MBNL2: variants seen among roughly 807,000 people sequenced by gnomAD.
The protein encoded by MBNL2 is muscleblind like splicing regulator 2.
A neutral mutation model predicts 41.9 loss-of-function variants in MBNL2; 17 were observed. The observed-to-expected ratio is 0.41, with a 90% CI of 0.28 to 0.61. MBNL2 has a LOEUF of 0.61. Among genes scored for constraint, MBNL2 ranks in the 20% least tolerant of loss-of-function variants. The pLI, the probability that MBNL2 is intolerant of heterozygous loss-of-function variation, is 0.35. For missense variants in MBNL2, 336 were observed against 505.6 expected (o/e 0.66, Z 3.22); for synonymous variants, 195 against 182.9 (o/e 1.07, Z -0.53).
chr13:97,185,039 T>A, the MBNL2 span, among the ~76,000 whole-genome samples: 5 of 152,256 alleles, frequency 3.3e-5, no homozygotes, highest in African/African-American at 1.2e-4. Context: ...ATTGCACATA[T>A]GTTATCTCAA....
intron 1 of MBNL2, 81 bp downstream of exon 1, chr13:97,222,612 G>GCACTGGATT: frequency 2.5e-6 from 1 of 395,528 alleles, no homozygotes; most frequent in Non-Finnish European, 4.5e-6. Flanking sequence ...GCTTACGGGA[G>GCACTGGATT]CCAGGGAAAC....
the MBNL2 span, among the ~76,000 whole-genome samples, chr13:97,184,940 G>T: frequency 2.6e-5 from 4 of 152,076 alleles, no homozygotes; most frequent in Admixed American, 6.5e-5. Context: ...TTGAGAATTA[G>T]AGAAAAGGAC....
chr13:97,370,355 A>G (rs745967062), intron 8 of MBNL2, among the ~76,000 whole-genome samples: 1 of 152,196 alleles, frequency 6.6e-6, no homozygotes, highest in Non-Finnish European at 1.5e-5. Flanking sequence ...AGTTATGTAA[A>G]GTAGCCAGGT....
the MBNL2 span, among the ~76,000 whole-genome samples, chr13:97,200,780 C>T: frequency 6.6e-6 from 1 of 152,202 alleles, no homozygotes; most frequent in African/African-American, 2.4e-5. Flanking sequence ...ATTGCATTGT[C>T]GTGGGCTAAG....
At chr13:97,325,325 T>A (rs2059820951) in intron 2 of MBNL2, among the ~76,000 whole-genome samples, 1 of 152,190 alleles carries the variant, frequency 6.6e-6, no homozygotes, top group South Asian at 2.1e-4. Context: ...TTAACAATCC[T>A]TATCGGTAAG....
the MBNL2 span, among the ~76,000 whole-genome samples, chr13:97,152,679 C>T: frequency 5.9e-5 from 9 of 152,124 alleles, no homozygotes; most frequent in Non-Finnish European, 1.2e-4. Flanking sequence ...CTATACCTAG[C>T]CATATCATCA....
intron 7 of MBNL2, 131 bp from the exon 8 acceptor site, chr13:97,365,004 CT>C (rs1187278715): frequency 1.7e-5 from 13 of 767,120 alleles, no homozygotes; most frequent in Admixed American, 5.2e-5. Context: ...GTGAATGGCC[CT>C]AAAAGACTGT....
chr13:97,292,888 C>T (rs1229636730), intron 2 of MBNL2, among the ~76,000 whole-genome samples: 1 of 151,948 alleles, frequency 6.6e-6, no homozygotes, highest in Non-Finnish European at 1.5e-5. Context: ...CTCTATCAGT[C>T]TTCTCCCTAA....
chr13:97,256,506 C>A (rs992439449), intron 1 of MBNL2, among the ~76,000 whole-genome samples: 1 of 152,096 alleles, frequency 6.6e-6, no homozygotes, highest in East Asian at 1.9e-4. Context: ...ATGAGTCATT[C>A]GTACTGGAAA....
intron 5 of MBNL2, among the ~76,000 whole-genome samples, chr13:97,350,540 C>G (rs552625667): frequency 6.6e-6 from 1 of 152,326 alleles, no homozygotes; most frequent in South Asian, 2.1e-4. Context: ...AGACAGTCCT[C>G]TAAAACCCTG....
At chr13:97,256,096 GGA>G (rs977098211) in intron 1 of MBNL2, among the ~76,000 whole-genome samples, 2 of 151,996 alleles carry the variant, frequency 1.3e-5, no homozygotes, top group Non-Finnish European at 2.9e-5. Flanking sequence ...ATATTTAAAA[GGA>G]GATAAAAGAA....
chr13:97,322,578 A>C (rs2059595420), intron 2 of MBNL2, among the ~76,000 whole-genome samples: 1 of 152,210 alleles, frequency 6.6e-6, no homozygotes, highest in African/African-American at 2.4e-5. Flanking sequence ...TAAGGCAAGA[A>C]GCATCTGAAA....
chr13:97,376,895 C>A (rs1271744175), intron 8 of MBNL2, among the ~76,000 whole-genome samples: 2 of 152,162 alleles, frequency 1.3e-5, no homozygotes, highest in Non-Finnish European at 2.9e-5. Context: ...GTGGCTTACC[C>A]AATTCACACA....
the MBNL2 span, among the ~76,000 whole-genome samples, chr13:97,214,196 A>G: frequency 3.9e-5 from 6 of 152,224 alleles, no homozygotes; most frequent in Admixed American, 6.5e-5. Flanking sequence ...TGATTCTGCC[A>G]TAGCATACAC....
intron 2 of MBNL2, among the ~76,000 whole-genome samples, chr13:97,318,434 A>G (rs535833822): frequency 1.3e-5 from 2 of 152,296 alleles, no homozygotes; most frequent in Non-Finnish European, 2.9e-5. Context: ...AGGGATATTA[A>G]GAGCACCTCC....
chr13:97,188,998 A>T, the MBNL2 span, among the ~76,000 whole-genome samples: 1 of 152,120 alleles, frequency 6.6e-6, no homozygotes, highest in African/African-American at 2.4e-5. Context: ...AACAATTCAT[A>T]CATCCCTCCA....
At chr13:97,237,987 A>G (rs1389514475) in intron 1 of MBNL2, among the ~76,000 whole-genome samples, 2 of 152,168 alleles carry the variant, frequency 1.3e-5, no homozygotes, top group African/African-American at 4.8e-5. Context: ...GCCAAGGGAA[A>G]GGGAGGGAGT....
chr13:97,347,103 G>A (rs199949683), intron 5 of MBNL2, 36 bp downstream of exon 5: 6 of 1,467,288 alleles, frequency 4.1e-6, no homozygotes, highest in East Asian at 2.5e-5. Context: ...GCACCCCGGC[G>A]CCTCTGCGGA....
chr13:97,167,656 C>T, the MBNL2 span, among the ~76,000 whole-genome samples: 2 of 152,100 alleles, frequency 1.3e-5, no homozygotes, highest in African/African-American at 2.4e-5. Context: ...CTAATTTAAT[C>T]ATAAAGCAGA....
Sources: allele counts gnomAD v4.1 joint callset (sites outside exome capture counted in the v4.1 genomes callset), GRCh38; gene constraint gnomAD v4.1.1; transcripts MANE v1.5; gene names NCBI Gene and HGNC (gene_info 2026-07-23, HGNC 2026-07-21).